Variants in SNTG1 observed in about 807,000 individuals in gnomAD.
SNTG1 encodes syntrophin gamma 1.
A neutral mutation model predicts 74.7 loss-of-function variants in SNTG1; 39 were observed. The ratio of observed to expected loss-of-function variants is 0.52; its 90% CI spans 0.40 to 0.68. The LOEUF (loss-of-function observed/expected upper bound fraction) is 0.68, where lower values mean the gene tolerates loss of function less well. Ranked by LOEUF, SNTG1 falls within the 30% of genes least tolerant of loss-of-function variation. The probability of loss-of-function intolerance (pLI) is 0.00; values close to 1 mark genes in which losing one functional copy is unlikely to be tolerated. For missense variants in SNTG1, 685 were observed against 609.5 expected, an observed-to-expected ratio of 1.12 and a Z score of -1.30; for synonymous variants, 254 against 217.1, an observed-to-expected ratio of 1.17 and a Z score of -1.49.
At chr8:50,765,924 TTA>T (rs1340604798) in intron 18 of SNTG1, among the ~76,000 whole-genome samples, 1 of 152,006 alleles carries the variant, frequency 6.6e-6, no homozygotes, top group African/African-American at 2.4e-5. Flanking sequence ...AGAGTAGATT[TTA>T]TATGAGTAAA....
intron 2 of SNTG1, among the ~76,000 whole-genome samples, chr8:50,245,665 A>T: frequency 6.6e-6 from 1 of 152,192 alleles, no homozygotes; most frequent in East Asian, 1.9e-4. Context: ...CCTAAGTGGC[A>T]GAGTAAGAGT....
intron 13 of SNTG1, among the ~76,000 whole-genome samples, chr8:50,600,434 T>C (rs989859123): frequency 2.0e-5 from 3 of 152,152 alleles, no homozygotes; most frequent in African/African-American, 7.2e-5. Flanking sequence ...AGATTTTCTT[T>C]ACTGGGAGAC....
intron 12 of SNTG1, among the ~76,000 whole-genome samples, chr8:50,588,475 G>T (rs2094669048): frequency 6.6e-6 from 1 of 152,010 alleles, no homozygotes; most frequent in South Asian, 2.1e-4. Flanking sequence ...CAGTAGTTTG[G>T]TTAGTTAAGT....
intron 1 of SNTG1, among the ~76,000 whole-genome samples, chr8:49,949,897 T>C (rs1446050406): frequency 6.6e-6 from 1 of 152,200 alleles, no homozygotes; most frequent in African/African-American, 2.4e-5. Context: ...CCCAGCACTT[T>C]GGGAGGATTG....
At chr8:50,239,844 G>T (rs1466004583) in intron 2 of SNTG1, among the ~76,000 whole-genome samples, 20 of 152,066 alleles carry the variant, frequency 1.3e-4, no homozygotes. Context: ...AAGATTTTGG[G>T]GTGGGTAAAT....
chr8:50,538,789 C>T (rs2130431414), intron 11 of SNTG1, among the ~76,000 whole-genome samples: 1 of 152,190 alleles, frequency 6.6e-6, no homozygotes, highest in African/African-American at 2.4e-5. Flanking sequence ...GCTTTCCATT[C>T]TCTCCCTCTA....
At chr8:50,024,238 C>G (rs1275263387) in intron 1 of SNTG1, among the ~76,000 whole-genome samples, 1 of 152,108 alleles carries the variant, frequency 6.6e-6, no homozygotes, top group African/African-American at 2.4e-5. Context: ...CATTCTCTCA[C>G]CATACACATT....
intron 2 of SNTG1, among the ~76,000 whole-genome samples, chr8:50,222,769 G>A (rs2085135411): frequency 6.6e-6 from 1 of 152,138 alleles, no homozygotes. Flanking sequence ...AGCATCTCCA[G>A]CACCAAAATT....
intron 8 of SNTG1, among the ~76,000 whole-genome samples, chr8:50,451,186 T>G (rs1347540657): frequency 4.6e-5 from 7 of 152,066 alleles, no homozygotes; most frequent in Admixed American, 3.3e-4. Flanking sequence ...CAATAAGAAA[T>G]AACAATCAAT....
intron 13 of SNTG1, among the ~76,000 whole-genome samples, chr8:50,629,415 T>A (rs908956112): frequency 1.3e-5 from 2 of 152,078 alleles, no homozygotes; most frequent in African/African-American, 4.8e-5. Context: ...TCCACTCAAA[T>A]CTATAGAGAA....
intron 18 of SNTG1, among the ~76,000 whole-genome samples, chr8:50,756,977 T>C (rs2095582160): frequency 6.6e-6 from 1 of 151,812 alleles, no homozygotes; most frequent in Non-Finnish European, 1.5e-5. Context: ...AATTTTTATG[T>C]ATTTAATTAG....
rs560694094 is a variant in SNTG1 at position 50,047,678 on chromosome 8, A to G, written c.-102-124883A>G. Reference sequence around the variant, plus strand: ...TAAGTATATGTAATAGGATAAACATAAAATGTCCTCCCAGTCACCTTCTGC... The same window carrying G: ...TAAGTATATGTAATAGGATAAACATGAAATGTCCTCCCAGTCACCTTCTGC... On this transcript the variant is annotated intron_variant, in intron 1 of 18. Coordinates refer to ENST00000642720, the MANE Select transcript of SNTG1 (RefSeq NM_018967.5). Among the ~76,000 whole-genome samples the G allele has an allele frequency of 4.6e-5, 7 of 152,290 alleles. No homozygotes were observed. In the South Asian group the frequency reaches 1.4e-3, roughly 32 times the overall value.
chr8:50,045,641 T>C (rs1403036897), intron 1 of SNTG1, among the ~76,000 whole-genome samples: 2 of 152,188 alleles, frequency 1.3e-5, no homozygotes, highest in Non-Finnish European at 2.9e-5. Flanking sequence ...TAATAAAAAC[T>C]ATCAAAAATA....
At chr8:50,622,410 T>A (rs2131052437) in intron 13 of SNTG1, among the ~76,000 whole-genome samples, 1 of 152,304 alleles carries the variant, frequency 6.6e-6, no homozygotes, top group Non-Finnish European at 1.5e-5. Context: ...ATCTGTAGGT[T>A]TTTTTCCTTA....
At chr8:50,774,763 G>T (rs906534672) in intron 18 of SNTG1, among the ~76,000 whole-genome samples, 2 of 151,516 alleles carry the variant, frequency 1.3e-5, no homozygotes, top group Admixed American at 6.6e-5. Flanking sequence ...CTGTGTCTTT[G>T]GGCTTGTAAT....
At chr8:50,509,675 G>A (rs1344645682) in intron 9 of SNTG1, among the ~76,000 whole-genome samples, 2 of 152,044 alleles carry the variant, frequency 1.3e-5, no homozygotes, top group Non-Finnish European at 2.9e-5. Flanking sequence ...TCTCTTTGAA[G>A]CAATTGTGAA....
chr8:50,125,895 T>C (rs545984957), intron 1 of SNTG1, among the ~76,000 whole-genome samples: 118 of 152,262 alleles, frequency 7.7e-4, no homozygotes, highest in African/African-American at 2.7e-3. Context: ...TGCCTGCATA[T>C]GGAATGCTAT....
chr8:50,297,910 G>A (rs921330), intron 2 of SNTG1, among the ~76,000 whole-genome samples: 7,795 of 149,522 alleles, frequency 0.052, 462 homozygotes, highest in South Asian at 0.17. Flanking sequence ...AATTTGGTTC[G>A]TTTATGAGGA....
intron 15 of SNTG1, among the ~76,000 whole-genome samples, chr8:50,690,501 A>G (rs562032126): frequency 1.3e-5 from 2 of 151,920 alleles, no homozygotes; most frequent in Non-Finnish European, 2.9e-5. Context: ...TCCTTTCATT[A>G]TTTACCCAGT....
Sources: allele counts gnomAD v4.1 joint callset (sites outside exome capture counted in the v4.1 genomes callset), GRCh38; gene constraint gnomAD v4.1.1; transcripts MANE v1.5; gene names NCBI Gene and HGNC (gene_info 2026-07-23, HGNC 2026-07-21).